The following SLC24A2 variants were observed in gnomAD, a reference collection of about 807,000 sequenced individuals.
SLC24A2 encodes solute carrier family 24 member 2, also known as sodium/potassium/calcium exchanger 2.
In SLC24A2, 36 loss-of-function variants were observed where a neutral mutation model predicts 62.0. The ratio of observed to expected loss-of-function variants is 0.58; its 90% confidence interval spans 0.44 to 0.77. SLC24A2 has a LOEUF of 0.77. Among genes scored for constraint, SLC24A2 ranks in the 30% least tolerant of loss-of-function variants. SLC24A2 has a pLI of 0.00. For missense variants in SLC24A2, 846 were observed against 817.9 expected (o/e 1.03, Z -0.42); for synonymous variants, 358 against 294.0 (o/e 1.22, Z -2.23).
chr9:19,964,465 C>T, the SLC24A2 span, among the ~76,000 whole-genome samples: 2 of 152,204 alleles, frequency 1.3e-5, no homozygotes, highest in East Asian at 1.9e-4. Context: ...ATGCTAAGTG[C>T]CACTATGTGG....
intron 2 of SLC24A2, among the ~76,000 whole-genome samples, chr9:19,752,481 T>A (rs1822013329): frequency 7.3e-6 from 1 of 137,406 alleles, no homozygotes; most frequent in Admixed American, 7.2e-5. Context: ...TCATGGCAGA[T>A]AAGGATGCCA....
the SLC24A2 span, among the ~76,000 whole-genome samples, chr9:20,001,069 T>G: frequency 4.4e-3 from 673 of 152,252 alleles, 5 homozygotes; most frequent in African/African-American, 0.016. Context: ...ACTTTAAAAA[T>G]AAACAATCAA....
chr9:20,044,438 G>C, the SLC24A2 span, among the ~76,000 whole-genome samples: 1 of 152,250 alleles, frequency 6.6e-6, no homozygotes, highest in African/African-American at 2.4e-5. Flanking sequence ...TGAACGCATG[G>C]GGAGGGCAGG....
chr9:19,672,140 T>C (rs1485045367), intron 2 of SLC24A2, among the ~76,000 whole-genome samples: 3 of 146,556 alleles, frequency 2.0e-5, no homozygotes, highest in South Asian at 2.2e-4. Context: ...TACCAGTTCT[T>C]TGAATGTCTG....
the SLC24A2 span, among the ~76,000 whole-genome samples, chr9:20,044,115 AC>A: frequency 7.1e-6 from 1 of 140,146 alleles, no homozygotes; most frequent in African/African-American, 2.6e-5. Context: ...GATCACTAGC[AC>A]TTTTTTTTTT....
chr9:19,857,759 T>TC, the SLC24A2 span, among the ~76,000 whole-genome samples: 7 of 149,290 alleles, frequency 4.7e-5, no homozygotes, highest in Non-Finnish European at 1.0e-4. Context: ...TTTTTTTTTT[T>TC]TGGTGTGCAG....
chr9:19,709,117 A>C (rs938820832), intron 2 of SLC24A2, among the ~76,000 whole-genome samples: 7 of 152,224 alleles, frequency 4.6e-5, no homozygotes, highest in Non-Finnish European at 1.0e-4. Flanking sequence ...CACTTCTCAA[A>C]AGAAGACATT....
At chr9:19,565,503 G>A (rs7865190) in intron 7 of SLC24A2, among the ~76,000 whole-genome samples, 136,230 of 147,866 alleles carry the variant, frequency 0.92, 62,791 homozygotes, top group East Asian at 1. Context: ...ATGCTCATGG[G>A]TAGGAAGAAT....
chr9:19,859,471 C>T, the SLC24A2 span, among the ~76,000 whole-genome samples: 17 of 151,974 alleles, frequency 1.1e-4, no homozygotes, highest in African/African-American at 3.4e-4. Context: ...ATGCAACAAA[C>T]GTGCACGTGT....
At chr9:20,163,466 T>G in the SLC24A2 span, among the ~76,000 whole-genome samples, 18 of 152,046 alleles carry the variant, frequency 1.2e-4, no homozygotes, top group African/African-American at 4.3e-4. Flanking sequence ...AAACCACTGC[T>G]CAAGGAAATA....
chr9:19,636,740 A>G (rs1159329358), intron 2 of SLC24A2, among the ~76,000 whole-genome samples: 1 of 151,996 alleles, frequency 6.6e-6, no homozygotes, highest in African/African-American at 2.4e-5. Flanking sequence ...GGCCAGTACT[A>G]GGGTTTTTAA....
At chr9:20,138,896 C>G in the SLC24A2 span, among the ~76,000 whole-genome samples, 1 of 152,198 alleles carries the variant, frequency 6.6e-6, no homozygotes, top group Non-Finnish European at 1.5e-5. Context: ...ATTGATGATG[C>G]CAATTCAAAG....
chr9:19,975,775 C>T, the SLC24A2 span, among the ~76,000 whole-genome samples: 1 of 151,422 alleles, frequency 6.6e-6, no homozygotes, highest in African/African-American at 2.4e-5. Context: ...TGTTTTGTGG[C>T]TTATCCTGGC....
chr9:19,537,002 T>G (rs1834011214), intron 8 of SLC24A2, among the ~76,000 whole-genome samples: 1 of 143,742 alleles, frequency 7.0e-6, no homozygotes, highest in African/African-American at 2.6e-5. Flanking sequence ...AATGTCTTCT[T>G]TTGAGAAGTG....
chr9:20,268,434 T>C, the SLC24A2 span, among the ~76,000 whole-genome samples: 1 of 152,188 alleles, frequency 6.6e-6, no homozygotes. Flanking sequence ...AATTTACTTA[T>C]GGATTAATGA....
the SLC24A2 span, among the ~76,000 whole-genome samples, chr9:20,244,558 T>G: frequency 6.6e-6 from 1 of 152,236 alleles, no homozygotes; most frequent in Non-Finnish European, 1.5e-5. Flanking sequence ...CCGAACATCT[T>G]TGAAATTCTG....
chr9:19,606,876 A>C (rs111691813), intron 4 of SLC24A2, among the ~76,000 whole-genome samples: 8 of 152,248 alleles, frequency 5.3e-5, no homozygotes, highest in Admixed American at 1.3e-4. Context: ...ATGTGAGGTC[A>C]GGAGAGAAAT....
intron 5 of SLC24A2, among the ~76,000 whole-genome samples, chr9:19,582,784 T>A (rs1460420581): frequency 6.6e-6 from 1 of 152,144 alleles, no homozygotes; most frequent in African/African-American, 2.4e-5. Flanking sequence ...TGTGGCATCA[T>A]GAAGTTATCC....
At chr9:19,556,097 C>T (rs2132772405) in intron 7 of SLC24A2, among the ~76,000 whole-genome samples, 1 of 152,322 alleles carries the variant, frequency 6.6e-6, no homozygotes, top group Admixed American at 6.5e-5. Flanking sequence ...AGACGAGTTT[C>T]ACGGGTCACT....
Sources: gnomAD v4.1 joint callset for allele counts (sites outside exome capture counted in the v4.1 genomes callset) on GRCh38, gnomAD v4.1.1 for gene constraint, MANE v1.5 for transcripts, NCBI Gene and HGNC (gene_info 2026-07-23, HGNC 2026-07-21) for gene names.